ECPAS: variants seen among roughly 807,000 people sequenced by gnomAD.
ECPAS encodes proteasome adapter and scaffold protein ECM29.
Under a neutral mutation model 255.1 loss-of-function variants are expected in ECPAS, and 70 were observed. The ratio of observed to expected loss-of-function variants is 0.27; its 90% confidence interval spans 0.23 to 0.33. The LOEUF is 0.33. ECPAS is among the 10% of genes least tolerant of loss of function. The pLI, the probability that ECPAS is intolerant of heterozygous loss-of-function variation, is 1.00. For missense variants in ECPAS, 1,817 were observed against 2,206.4 expected, an observed-to-expected ratio of 0.82 and a Z score of 3.54; for synonymous variants, 784 against 775.0, an observed-to-expected ratio of 1.01 and a Z score of -0.19.
intron 43 of ECPAS, among the ~76,000 whole-genome samples, chr9:111,371,000 G>A (rs1031877097): frequency 2.6e-5 from 4 of 152,088 alleles, no homozygotes; most frequent in Admixed American, 2.6e-4. Flanking sequence ...GAACTGATTC[G>A]ACCCAGGTCT....
chr9:111,468,425 G>T (rs2098282086), intron 2 of ECPAS, among the ~76,000 whole-genome samples: 2 of 152,130 alleles, frequency 1.3e-5, no homozygotes, highest in Admixed American at 6.5e-5. Context: ...AGTAGGTGGA[G>T]AAGATACTAA....
At chr9:111,386,249 C>T in intron 32 of ECPAS, 128 bp downstream of exon 32, 1 of 685,636 alleles carries the variant, frequency 1.5e-6, no homozygotes, top group South Asian at 1.7e-5. Context: ...CAGGTGTGAG[C>T]CACCACGCCC....
intron 2 of ECPAS, among the ~76,000 whole-genome samples, chr9:111,467,872 C>A (rs1433409414): frequency 6.6e-6 from 1 of 152,172 alleles, no homozygotes; most frequent in Non-Finnish European, 1.5e-5. Flanking sequence ...GACTCACCAC[C>A]TAACTGACCT....
At position 111,395,038 on chromosome 9, in the gene ECPAS, T is replaced by C. The variant is rs564230013; in HGVS notation, c.2777-733A>G. Among the ~76,000 whole-genome samples the C allele has an allele frequency of 8.5e-4, 129 of 152,366 alleles. 1 individual carries two copies. The highest frequency in any genetic ancestry group is 8.5e-4 in the Admixed American group (13 of 15,312). On this transcript the variant is annotated intron_variant, in intron 25 of 49. Coordinates refer to ENST00000684092, the MANE Select transcript of ECPAS (RefSeq NM_001364929.1). ...ACTTTCCTGTTGCTAAGTCCAATGA[T>C]GGTTTCTCAATTCTCACTTTAGTCG...
chr9:111,367,372 T>C (rs544812026), intron 46 of ECPAS, among the ~76,000 whole-genome samples: 1 of 152,322 alleles, frequency 6.6e-6, no homozygotes, highest in South Asian at 2.1e-4. Flanking sequence ...AGCCAATGTG[T>C]AACAGTTAAG....
intron 24 of ECPAS, among the ~76,000 whole-genome samples, chr9:111,405,645 T>C (rs2098182913): frequency 1.3e-5 from 2 of 149,796 alleles, no homozygotes; most frequent in Admixed American, 1.3e-4. Context: ...AAATTATCCA[T>C]CTGACAAGAG....
intron 36 of ECPAS, among the ~76,000 whole-genome samples, chr9:111,376,949 T>G (rs555382092): frequency 6.6e-6 from 1 of 152,372 alleles, no homozygotes; most frequent in South Asian, 2.1e-4. Flanking sequence ...TTCGTATCTA[T>G]GAAGGTATTT....
At chr9:111,483,831 G>A (rs2098310918) in intron 1 of ECPAS, among the ~76,000 whole-genome samples, 1 of 147,342 alleles carries the variant, frequency 6.8e-6, no homozygotes, top group African/African-American at 2.4e-5. Context: ...CCGTGCGCCA[G>A]GCCCGCGCGG....
chr9:111,411,938 T>A, intron 21 of ECPAS, 76 bp downstream of exon 21: 1 of 1,330,052 alleles, frequency 7.5e-7, no homozygotes, highest in Non-Finnish European at 9.9e-7. Flanking sequence ...AATGAGAACA[T>A]AAAAGTCAAA....
chr9:111,417,702 T>C (rs1363359376), intron 17 of ECPAS, among the ~76,000 whole-genome samples, 181 bp downstream of exon 17: 1 of 149,358 alleles, frequency 6.7e-6, no homozygotes, highest in East Asian at 2.0e-4. Flanking sequence ...GCCAAGACCG[T>C]GCCATTGCAC....
At chr9:111,477,296 A>G (rs557625089) in intron 1 of ECPAS, among the ~76,000 whole-genome samples, 4 of 150,418 alleles carry the variant, frequency 2.7e-5, no homozygotes, top group Admixed American at 2.0e-4. Context: ...TTTTTAGTAG[A>G]GACGGGGGTT....
At chr9:111,439,227 G>A (rs976412510) in intron 6 of ECPAS, among the ~76,000 whole-genome samples, 4 of 152,124 alleles carry the variant, frequency 2.6e-5, no homozygotes, top group African/African-American at 9.7e-5. Context: ...AGAGACAAAC[G>A]GAGTTGACCT....
chr9:111,392,545 C>T (rs1364611230), intron 28 of ECPAS, among the ~76,000 whole-genome samples: 1 of 152,154 alleles, frequency 6.6e-6, no homozygotes, highest in Non-Finnish European at 1.5e-5. Flanking sequence ...TTATCTGAGA[C>T]CATTAAACTT....
At chr9:111,448,128 T>C (rs1229728127) in intron 3 of ECPAS, among the ~76,000 whole-genome samples, 3 of 152,214 alleles carry the variant, frequency 2.0e-5, no homozygotes, top group African/African-American at 7.2e-5. Context: ...TGTATCAAAA[T>C]ATCACATGTA....
Position 111,428,092 on chromosome 9 carries a change from G to T in ECPAS, c.1000C>A (p.His334Asn). The change falls in exon 10 of 50, where the codon CAT becomes AAT. Residue 334 changes from histidine to asparagine, a missense_variant. By Grantham distance (68) the His-to-Asn change is moderately conservative. This residue lies in a region of ECPAS where 573 missense variants were observed against 716.2 expected (regional missense o/e 0.80). Coordinates refer to ENST00000684092, the MANE Select transcript of ECPAS (RefSeq NM_001364929.1). ...GCAGCTTGTCTAGAGCGGAGGAGATGGGGGACAATCTTTAACTTGACTCTT... is the reference window on the plus strand; with the variant it reads ...GCAGCTTGTCTAGAGCGGAGGAGATTGGGGACAATCTTTAACTTGACTCTT... ...STRVKLKIVPHLLRSRQAAET... is the reference protein window; with the variant it reads ...STRVKLKIVPNLLRSRQAAET... 2 of 1,613,430 alleles carry T rather than the reference G, an allele frequency of 1.2e-6. No individual in the cohort carries two copies. The highest frequency in any genetic ancestry group is 1.7e-6 in the Non-Finnish European group (2 of 1,179,610).
chr9:111,375,325 T>C, intron 37 of ECPAS, 123 bp from the exon 38 acceptor site: 1 of 701,602 alleles, frequency 1.4e-6, no homozygotes. Context: ...GAAAAATCAC[T>C]GCTTGCTTCT....
At chr9:111,442,497 T>C (rs768509857) in intron 4 of ECPAS, 73 bp from the exon 5 acceptor site, 2 of 931,368 alleles carry the variant, frequency 2.1e-6, no homozygotes, top group African/African-American at 1.7e-5. Context: ...ATATGATTGA[T>C]AACTTAGAGA....
chr9:111,378,869 C>CT (rs1002733428), intron 35 of ECPAS, 139 bp from the exon 36 acceptor site: 11 of 727,580 alleles, frequency 1.5e-5, no homozygotes, highest in Middle Eastern at 2.7e-4. Flanking sequence ...CTGGGCATTA[C>CT]TTTTTTTAAC....
At position 111,371,603 on chromosome 9, in the gene ECPAS, T is replaced by C. The variant is rs766083260; in HGVS notation, c.4737+18A>G. 11 of 1,601,202 alleles carry C rather than the reference T, an allele frequency of 6.9e-6. No homozygotes were observed. In the East Asian group the frequency reaches 2.5e-4, roughly 36 times the overall value. On this transcript the variant is annotated intron_variant, in intron 43 of 49. Transcript: ENST00000684092. Reference sequence around the variant, plus strand: ...TGAAGTCAGAATCCCTTTAACTGGGTATGAATGGTTCCTTTACCTTTCCTG... The same window carrying C: ...TGAAGTCAGAATCCCTTTAACTGGGCATGAATGGTTCCTTTACCTTTCCTG...
Sources: gnomAD v4.1 joint callset for allele counts (sites outside exome capture counted in the v4.1 genomes callset) on GRCh38, gnomAD v4.1.1 for gene constraint, gnomAD v4.1.1 regional missense constraint, MANE v1.5 for transcripts, NCBI Gene and HGNC (gene_info 2026-07-23, HGNC 2026-07-21) for gene names.